The following TRIM9 variants were observed in gnomAD, a reference collection of about 807,000 sequenced individuals.
TRIM9 encodes the protein tripartite motif containing 9.
A neutral mutation model predicts 78.3 loss-of-function variants in TRIM9; 26 were observed. The observed-to-expected ratio is 0.33, with a 90% CI of 0.24 to 0.46. The LOEUF is 0.46. TRIM9 is among the 20% of genes least tolerant of loss of function. TRIM9 has a pLI of 1.00. For synonymous variants in TRIM9, 398 were observed against 416.5 expected (o/e 0.96, Z 0.54); for missense variants, 787 against 1,036.4 (o/e 0.76, Z 3.30).
At chr14:51,033,128 C>T (rs1388717980) in intron 1 of TRIM9, among the ~76,000 whole-genome samples, 2 of 152,136 alleles carry the variant, frequency 1.3e-5, no homozygotes, top group Non-Finnish European at 2.9e-5. Context: ...CTCGCTCTGT[C>T]GCCCAGGCTG....
At chr14:51,008,441 C>T (rs770541352) in intron 5 of TRIM9, among the ~76,000 whole-genome samples, 14 of 152,182 alleles carry the variant, frequency 9.2e-5, no homozygotes, top group Non-Finnish European at 1.3e-4. Context: ...TATTACACTG[C>T]CATAAAAATG....
intron 7 of TRIM9, among the ~76,000 whole-genome samples, chr14:50,987,825 AG>A (rs2052921167): frequency 6.6e-6 from 1 of 152,074 alleles, no homozygotes; most frequent in Non-Finnish European, 1.5e-5. Context: ...TTTTTGAGAC[AG>A]GGTCTCACTC....
intron 1 of TRIM9, among the ~76,000 whole-genome samples, chr14:51,052,775 G>A (rs2060535926): frequency 6.6e-6 from 1 of 152,146 alleles, no homozygotes; most frequent in Non-Finnish European, 1.5e-5. Context: ...TAAATCACTA[G>A]TTGTTGTGAG....
At position 51,094,931 on chromosome 14, in the gene TRIM9, C is replaced by A. The variant is rs1231997897; in HGVS notation, c.9G>T (p.Glu3Asp). Residue 3 changes from glutamate to aspartate, a missense_variant, in exon 1 of 13, where the codon GAG becomes GAT. Physicochemically the swap from Glu to Asp is conservative, Grantham distance 45 (BLOSUM62 2). Transcript: ENST00000684578. ...CGGGGCATTTCAACTCCTCTTCCAT[C>A]TCCTCCATGGGGACCGGTCTGGGAG... ME[E>D]MEEELKCPVC... The A allele has an allele frequency of 1.3e-6, 2 of 1,494,234 alleles. No homozygotes were observed. The highest frequency in any genetic ancestry group is 4.6e-5 in the East Asian group (2 of 43,322). 92.6% of individuals were successfully genotyped at this position (1,494,234 alleles called of 1,614,324 possible). A position where few individuals can be genotyped will look rare whatever the true frequency, so the allele number is the denominator to read the frequency against.
intron 7 of TRIM9, among the ~76,000 whole-genome samples, chr14:50,994,702 A>T (rs1469332909): frequency 6.6e-6 from 1 of 152,224 alleles, no homozygotes; most frequent in African/African-American, 2.4e-5. Context: ...GTGTATTAAG[A>T]TGGCCTTGCT....
At chr14:51,045,645 C>T (rs2059896097) in intron 1 of TRIM9, among the ~76,000 whole-genome samples, 1 of 152,082 alleles carries the variant, frequency 6.6e-6, no homozygotes, top group Non-Finnish European at 1.5e-5. Flanking sequence ...GCATTGTTTG[C>T]TTTATCTTTA....
chr14:50,996,614 A>ACCTTGCT (rs2054237990), intron 7 of TRIM9: 1 of 985,474 alleles, frequency 1.0e-6, no homozygotes, highest in South Asian at 4.7e-5. Flanking sequence ...ATGGGAAATG[A>ACCTTGCT]GGCCATCACC....
chr14:51,027,553 G>T (rs142755029), intron 1 of TRIM9, among the ~76,000 whole-genome samples: 1 of 151,552 alleles, frequency 6.6e-6, no homozygotes, highest in African/African-American at 2.4e-5. Flanking sequence ...GAACATTTTC[G>T]ATCACCTGTA....
intron 1 of TRIM9, among the ~76,000 whole-genome samples, chr14:51,083,847 T>C (rs945651757): frequency 6.6e-6 from 1 of 152,204 alleles, no homozygotes; most frequent in Non-Finnish European, 1.5e-5. Context: ...AAATAGTATT[T>C]AGTGTGGTAC....
At position 51,094,886 on chromosome 14, in the gene TRIM9, C is replaced by A; in HGVS notation, c.54G>T (p.Arg18=). The A allele has an allele frequency of 6.6e-7, 1 of 1,514,654 alleles. No homozygotes were observed. The highest frequency in any genetic ancestry group is 8.8e-7 in the Non-Finnish European group (1 of 1,133,952). 93.8% of individuals were successfully genotyped at this position (1,514,654 alleles called of 1,614,324 possible). ...GAGAGCAGGGCAGGATGATGGGCTC[C>A]CGATAGAAGGAGCCGCACACGGGGC... is the stretch of plus-strand genomic sequence containing the variant. ...LKCPVCGSFY[R]EPIILPCSHN... Residue 18 remains arginine, a synonymous_variant, in exon 1 of 13, where the codon CGG becomes CGT. Coordinates refer to ENST00000684578, the MANE Select transcript of TRIM9 (RefSeq NM_001387360.1).
At chr14:51,046,740 T>A (rs1380418243) in intron 1 of TRIM9, among the ~76,000 whole-genome samples, 1 of 152,174 alleles carries the variant, frequency 6.6e-6, no homozygotes, top group Admixed American at 6.5e-5. Flanking sequence ...GTATTACCCG[T>A]AAAACCCTGG....
chr14:50,996,341 A>G (rs2054201358), intron 7 of TRIM9: 1 of 985,442 alleles, frequency 1.0e-6, no homozygotes, highest in Non-Finnish European at 1.2e-6. Context: ...CCTGTAATTT[A>G]TTAAATTAGA....
intron 1 of TRIM9, among the ~76,000 whole-genome samples, chr14:51,052,762 C>T (rs2140092303): frequency 6.6e-6 from 1 of 152,260 alleles, no homozygotes; most frequent in African/African-American, 2.4e-5. Context: ...ACGTCATTGC[C>T]CATAAATCAC....
intron 1 of TRIM9, among the ~76,000 whole-genome samples, chr14:51,055,423 A>T (rs887183969): frequency 6.6e-6 from 1 of 152,214 alleles, no homozygotes; most frequent in African/African-American, 2.4e-5. Flanking sequence ...CACATGGCAA[A>T]AGAGAATTAA....
rs770643399 is a variant in TRIM9 at position 50,977,273 on chromosome 14, C to T, written c.*18G>A. ...GGCGGAGGTAAGAACAGGCAGCTGGCGCCTCCACGGCACATCCTTAGGCTA... is the reference window on the plus strand; with the variant it reads ...GGCGGAGGTAAGAACAGGCAGCTGGTGCCTCCACGGCACATCCTTAGGCTA... On this transcript the variant is annotated 3_prime_UTR_variant, in exon 13 of 13. Transcript: ENST00000684578. 13 of 1,466,264 alleles carry T rather than the reference C, an allele frequency of 8.9e-6. No homozygotes were observed. Among genetic ancestry groups the T allele is most frequent in the East Asian group, 7.8e-5 (3 of 38,306 alleles). The allele number at this position is 1,466,264 out of a possible 1,614,324, so 90.8% of individuals were successfully genotyped here.
At chr14:51,014,861 G>C (rs1190980142) in intron 3 of TRIM9, among the ~76,000 whole-genome samples, 7 of 152,180 alleles carry the variant, frequency 4.6e-5, no homozygotes, top group Non-Finnish European at 1.0e-4. Context: ...CACGTATGCA[G>C]TGGGCTGGAT....
chr14:50,983,227 A>AT (rs886646619), intron 9 of TRIM9, among the ~76,000 whole-genome samples, 153 bp downstream of exon 9: 4 of 152,208 alleles, frequency 2.6e-5, no homozygotes, highest in Non-Finnish European at 5.9e-5. Context: ...CATCTTTTCC[A>AT]TTTTTTAAGA....
At position 51,025,258 on chromosome 14, in the gene TRIM9, C is replaced by A; in HGVS notation, c.918+7G>T. 1.2e-6 allele frequency: 2 copies of A among 1,613,282 alleles called. No homozygotes were observed. Among genetic ancestry groups the A allele is most frequent in the Non-Finnish European group, 8.5e-7 (1 of 1,179,210 alleles). On this transcript the variant is annotated splice_region_variant and intron_variant, in intron 2 of 12. Transcript: ENST00000684578. ...GGGTTTCCTTGCGTCCCAGGTAACA[C>A]CCATACCTGGATCTGCTGGACCATG... is the stretch of plus-strand genomic sequence containing the variant.
intron 1 of TRIM9, among the ~76,000 whole-genome samples, chr14:51,031,159 A>G (rs1382918151): frequency 6.6e-6 from 1 of 150,748 alleles, no homozygotes; most frequent in Non-Finnish European, 1.5e-5. Context: ...AAAAAAAAAA[A>G]AAAAAAGAAA....
Sources: allele counts gnomAD v4.1 joint callset (sites outside exome capture counted in the v4.1 genomes callset), GRCh38; gene constraint gnomAD v4.1.1; transcripts MANE v1.5; gene names NCBI Gene and HGNC (gene_info 2026-07-23, HGNC 2026-07-21).